MGMT: variants seen among roughly 807,000 people sequenced by gnomAD.
MGMT encodes the protein methylated-DNA--protein-cysteine methyltransferase.
Under a neutral mutation model 15.9 loss-of-function variants are expected in MGMT, and 14 were observed. That is an observed-to-expected ratio of 0.88 (90% CI 0.58 to 1.37). MGMT has a LOEUF of 1.37. MGMT is among the 40% of genes most tolerant of loss of function. MGMT has a pLI of 0.00. For missense variants in MGMT, 282 were observed against 268.1 expected (o/e 1.05, Z -0.36); for synonymous variants, 130 against 118.2 (o/e 1.10, Z -0.65).
intron 1 of MGMT, among the ~76,000 whole-genome samples, chr10:129,517,403 TC>T (rs1489073592): frequency 6.6e-6 from 1 of 152,222 alleles, no homozygotes; most frequent in Non-Finnish European, 1.5e-5. Context: ...TTCTGTGGCC[TC>T]CCTGCACTGT....
intron 2 of MGMT, among the ~76,000 whole-genome samples, chr10:129,626,646 C>T (rs747624682): frequency 7.2e-5 from 11 of 152,168 alleles, no homozygotes; most frequent in Non-Finnish European, 1.2e-4. Context: ...CCGTGCTCTC[C>T]GTGGAAATCT....
At position 129,659,216 on chromosome 10, in the gene MGMT, G is replaced by A. The variant is rs1275996110; in HGVS notation, c.126-48679G>A. ...TACTAAAAATACAAAACTTACCTGG[G>A]CATGGTGGTGCACACCCGTAGTCTC... On this transcript the variant is annotated intron_variant, in intron 2 of 4. Transcript: ENST00000651593. This position sits in a 1 kb window ranked among gnomAD's most constrained non-coding sequence, Gnocchi z 4.1. Among the ~76,000 whole-genome samples, 1 of 152,082 alleles carries A rather than the reference G, an allele frequency of 6.6e-6. No homozygotes were observed. Among genetic ancestry groups the A allele is most frequent in the Non-Finnish European group, 1.5e-5 (1 of 68,026 alleles).
At chr10:129,583,292 T>C (rs1186033075) in intron 2 of MGMT, among the ~76,000 whole-genome samples, 1 of 152,170 alleles carries the variant, frequency 6.6e-6, no homozygotes, top group Non-Finnish European at 1.5e-5. Flanking sequence ...AAAATCAACA[T>C]AAAAATAAAG....
At chr10:129,468,206 T>A (rs12269324) in intron 1 of MGMT, among the ~76,000 whole-genome samples, 32,760 of 152,092 alleles carry the variant, frequency 0.22, 3,833 homozygotes, top group Non-Finnish European at 0.25. Flanking sequence ...GGCAGGTGTC[T>A]AGGAGATGGT....
chr10:129,582,344 C>A (rs1309896319), intron 2 of MGMT, among the ~76,000 whole-genome samples: 2 of 152,190 alleles, frequency 1.3e-5, no homozygotes, highest in East Asian at 3.9e-4. Context: ...AGAGTCCCTC[C>A]TCGTGTTATA....
At chr10:129,689,520 T>C (rs557845754) in intron 2 of MGMT, among the ~76,000 whole-genome samples, 16 of 152,362 alleles carry the variant, frequency 1.1e-4, no homozygotes, top group African/African-American at 3.4e-4. Context: ...ATATTTATTT[T>C]GATTCTGACT....
At chr10:129,758,900 T>C (rs1046733264) in intron 3 of MGMT, among the ~76,000 whole-genome samples, 2 of 152,190 alleles carry the variant, frequency 1.3e-5, no homozygotes, top group Non-Finnish European at 2.9e-5. Flanking sequence ...ACACGCCCAG[T>C]CGCTAGAAGA....
chr10:129,716,696 G>T (rs920004044), intron 3 of MGMT, among the ~76,000 whole-genome samples: 1 of 152,118 alleles, frequency 6.6e-6, no homozygotes, highest in East Asian at 1.9e-4. Flanking sequence ...CCCAAGAATT[G>T]GGCCTTTGAT....
chr10:129,575,887 T>A (rs1428403428), intron 2 of MGMT, among the ~76,000 whole-genome samples: 1 of 151,934 alleles, frequency 6.6e-6, no homozygotes, highest in African/African-American at 2.4e-5. Context: ...CAAACTACCA[T>A]CAGAGAATAC....
chr10:129,706,883 A>T (rs1043971900), intron 2 of MGMT, among the ~76,000 whole-genome samples: 1 of 152,136 alleles, frequency 6.6e-6, no homozygotes, highest in Non-Finnish European at 1.5e-5. Context: ...GAACACCCCA[A>T]ACAGAAGCAG....
At chr10:129,650,566 C>T (rs909104233) in intron 2 of MGMT, among the ~76,000 whole-genome samples, 50 of 152,200 alleles carry the variant, frequency 3.3e-4, no homozygotes, top group African/African-American at 1.0e-3. Context: ...GTTCTTTTTG[C>T]GAGGAAGAGA....
intron 2 of MGMT, among the ~76,000 whole-genome samples, chr10:129,605,793 T>C (rs1437651751): frequency 6.6e-6 from 1 of 152,216 alleles, no homozygotes; most frequent in Non-Finnish European, 1.5e-5. Context: ...TGCGGGTTAA[T>C]TCGGAATGTG....
In MGMT at chr10:129,506,441, G is replaced by A. The variant is rs536856593; in HGVS notation, c.-12-29800G>A. Reference sequence around the variant, plus strand: ...TGGCAAAAGAGTTTTCCATTTCTGTGGTTTTCCAAGCATCCCACACCTCCC... The same window carrying A: ...TGGCAAAAGAGTTTTCCATTTCTGTAGTTTTCCAAGCATCCCACACCTCCC... On this transcript the variant is annotated intron_variant, in intron 1 of 4. Coordinates refer to ENST00000651593, the MANE Select transcript of MGMT (RefSeq NM_002412.5). Among the ~76,000 whole-genome samples the A allele has an allele frequency of 2.6e-5, 4 of 152,158 alleles. No homozygotes were observed. The East Asian group carries it at 7.7e-4, about 29-fold the overall frequency.
rs192412819 is a variant in MGMT, at chr10:129,719,266, A to G, written c.274+11223A>G. ...TCACCTTCCCAGGCTGTCTAGAGCC[A>G]GTCCGTGTGCCTGCTCAGATATACT... On this transcript the variant is annotated intron_variant, in intron 3 of 4. Coordinates refer to ENST00000651593, the MANE Select transcript of MGMT (RefSeq NM_002412.5). Among the ~76,000 whole-genome samples, 94 of 152,310 alleles carry G rather than the reference A, an allele frequency of 6.2e-4. 1 individual carries two copies. The highest frequency in any genetic ancestry group is 2.0e-3 in the Admixed American group (31 of 15,306).
chr10:129,542,759 C>T (rs938351536), intron 2 of MGMT, among the ~76,000 whole-genome samples: 2 of 152,188 alleles, frequency 1.3e-5, no homozygotes, highest in Non-Finnish European at 2.9e-5. Flanking sequence ...TTTTCAAAAA[C>T]GAATGGCTGA....
At chr10:129,490,082 G>T (rs1845453310) in intron 1 of MGMT, among the ~76,000 whole-genome samples, 1 of 151,928 alleles carries the variant, frequency 6.6e-6, no homozygotes, top group African/African-American at 2.4e-5. Context: ...CTTCTCTTCT[G>T]GTTATCTGAA....
chr10:129,674,315 T>G (rs952829213), intron 2 of MGMT, among the ~76,000 whole-genome samples: 2 of 152,206 alleles, frequency 1.3e-5, no homozygotes, highest in African/African-American at 4.8e-5. Flanking sequence ...GACGGTAGTT[T>G]GGAAGCTGCA....
intron 2 of MGMT, among the ~76,000 whole-genome samples, chr10:129,571,138 C>T (rs947785800): frequency 1.3e-5 from 2 of 152,124 alleles, no homozygotes; most frequent in African/African-American, 4.8e-5. Context: ...TTCCGCAGTT[C>T]AAAGGGGGTT....
chr10:129,722,873 G>A (rs767120644), intron 3 of MGMT, among the ~76,000 whole-genome samples: 1 of 152,094 alleles, frequency 6.6e-6, no homozygotes, highest in East Asian at 1.9e-4. Flanking sequence ...AAGCATGGTG[G>A]TGCACACCTG....
Sources: allele counts gnomAD v4.1 joint callset (sites outside exome capture counted in the v4.1 genomes callset), GRCh38; gene constraint gnomAD v4.1.1; non-coding constraint Gnocchi (gnomAD v3.1); transcripts MANE v1.5; gene names NCBI Gene and HGNC (gene_info 2026-07-23, HGNC 2026-07-21).